Variants in ANKS3 observed in about 807,000 individuals in gnomAD.
The protein encoded by ANKS3 is ankyrin repeat and SAM domain-containing protein 3.
A neutral mutation model predicts 80.7 loss-of-function variants in ANKS3; 62 were observed. That is an observed-to-expected ratio of 0.77 (90% CI 0.63 to 0.95). The LOEUF (loss-of-function observed/expected upper bound fraction) is 0.95, where lower values mean the gene tolerates loss of function less well. ANKS3 is among the 40% of genes least tolerant of loss of function. ANKS3 has a pLI of 0.00. For missense variants in ANKS3, 1,150 were observed against 883.6 expected (o/e 1.30, Z -3.82); for synonymous variants, 489 against 355.3 (o/e 1.38, Z -4.23).
intron 6 of ANKS3, among the ~76,000 whole-genome samples, chr16:4,723,653 C>T (rs1043797092): frequency 3.3e-5 from 5 of 152,100 alleles, no homozygotes; most frequent in Admixed American, 1.3e-4. Flanking sequence ...TTTGTAGGGC[C>T]GAATAATATC....
rs1321170472 is a variant in ANKS3, at chr16:4,704,992, C to T, written c.868+103G>A. 9 of 1,479,422 alleles carry T rather than the reference C, an allele frequency of 6.1e-6. No homozygotes were observed. In the African/African-American group the frequency reaches 1.1e-4, roughly 18 times the overall value. 91.6% of individuals were successfully genotyped at this position (1,479,422 alleles called of 1,614,324 possible). On this transcript the variant is annotated intron_variant, in intron 8 of 17. Coordinates refer to ENST00000304283, the MANE Select transcript of ANKS3 (RefSeq NM_133450.4). ...CACCTGTCCCGCTGCCACCTGAGGTCCAGCGACCCACATTTCAGGAGCCTA... is the reference window on the plus strand; with the variant it reads ...CACCTGTCCCGCTGCCACCTGAGGTTCAGCGACCCACATTTCAGGAGCCTA...
In ANKS3 at chr16:4,726,768, G is replaced by A; in HGVS notation, c.382C>T (p.Leu128=). ...CAGCCCTGGATGTCTTTCATTTCTAGCTCTGCACCTTGCTTCAAGAGAACA... is the reference window on the plus strand; with the variant it reads ...CAGCCCTGGATGTCTTTCATTTCTAACTCTGCACCTTGCTTCAAGAGAACA... ...AYFLLQQGAE[L]EMKDIQGWTA... Residue 128 remains leucine (L), a synonymous_variant, in exon 5 of 18, where the codon CTA becomes TTA. Transcript: ENST00000304283. The A allele has an allele frequency of 6.2e-7, 1 of 1,613,650 alleles. No individual in the cohort carries two copies. Among genetic ancestry groups the A allele is most frequent in the Non-Finnish European group, 8.5e-7 (1 of 1,179,590 alleles).
chr16:4,710,036 A>T (rs2080402136), intron 7 of ANKS3, among the ~76,000 whole-genome samples: 1 of 152,042 alleles, frequency 6.6e-6, no homozygotes, highest in African/African-American at 2.4e-5. Context: ...AACAAAAAAG[A>T]CTACATGACT....
At chr16:4,733,329 T>C (rs1201549896) in intron 1 of ANKS3, among the ~76,000 whole-genome samples, 1 of 151,990 alleles carries the variant, frequency 6.6e-6, no homozygotes, top group Non-Finnish European at 1.5e-5. Flanking sequence ...TCTCACTCTG[T>C]TACCCAGGCT....
In ANKS3 at chr16:4,721,917, CGA is replaced by C. The variant is rs201566118; in HGVS notation, c.573+2831_573+2832del. Among the ~76,000 whole-genome samples, 898 of 150,866 alleles carry C rather than the reference CGA, an allele frequency of 6.0e-3. 17 individuals are homozygous for C. The highest frequency in any genetic ancestry group is 0.021 in the African/African-American group (862 of 41,334). On this transcript the variant is annotated intron_variant, in intron 6 of 17. Coordinates refer to ENST00000304283, the MANE Select transcript of ANKS3 (RefSeq NM_133450.4). ...TCTCAAAGTGCTGGGATTACAGGAG[CGA>C]GACAATGCACCTGGCCCCGTCTCTT...
intron 6 of ANKS3, among the ~76,000 whole-genome samples, chr16:4,722,590 A>AAG (rs1290847640): frequency 6.6e-6 from 1 of 150,924 alleles, no homozygotes; most frequent in African/African-American, 2.4e-5. Context: ...AAAAAAAAAA[A>AAG]AAAGAAATAC....
At chr16:4,702,366 T>C in intron 8 of ANKS3, 124 bp from the exon 9 acceptor site, 5 of 1,026,000 alleles carry the variant, frequency 4.9e-6, no homozygotes, top group Non-Finnish European at 6.6e-6. Flanking sequence ...CCCTGCGACC[T>C]GGCATGGCTC....
At chr16:4,727,228 G>T (rs762072491) in intron 3 of ANKS3, 51 bp from the exon 4 acceptor site, 3 of 1,588,312 alleles carry the variant, frequency 1.9e-6, no homozygotes, top group African/African-American at 1.3e-5. Context: ...CGCATGTGGG[G>T]TTCACCAAAG....
At position 4,714,182 on chromosome 16, in the gene ANKS3, A is replaced by C. The variant is rs987176911; in HGVS notation, c.578T>G (p.Val193Gly). 6.2e-7 allele frequency: 1 copy of C among 1,613,232 alleles called. No individual in the cohort carries two copies. The highest frequency in any genetic ancestry group is 1.3e-5 in the African/African-American group (1 of 74,686). The change falls in exon 7 of 18, where the codon GTC (valine) becomes GGC (glycine). Residue 193 changes from valine (V) to glycine (G), a missense_variant. Val to Gly is a moderately radical substitution (Grantham distance 109). Coordinates refer to ENST00000304283, the MANE Select transcript of ANKS3 (RefSeq NM_133450.4). ...ACTGTGGTCTCTCGCGTCCACCTTGACTCCCTGTGAATGTCCGTGAAAGGG... is the reference window on the plus strand; with the variant it reads ...ACTGTGGTCTCTCGCGTCCACCTTGCCTCCCTGTGAATGTCCGTGAAAGGG... ...IIVQYFLNHG[V>G]KVDARDHSGA...
chr16:4,721,753 C>A (rs1300945411), intron 6 of ANKS3, among the ~76,000 whole-genome samples: 1 of 151,132 alleles, frequency 6.6e-6, no homozygotes, highest in Non-Finnish European at 1.5e-5. Flanking sequence ...ATTCTCCTGT[C>A]TCAGCCTCCC....
At chr16:4,698,329 CCT>C (rs2079694348) in intron 14 of ANKS3, 96 bp downstream of exon 14, 5 of 1,412,256 alleles carry the variant, frequency 3.5e-6, no homozygotes, top group Admixed American at 2.9e-5. Context: ...GAAATCCACC[CCT>C]CAGTTACAAA....
chr16:4,703,791 T>G (rs1446872741), intron 8 of ANKS3, among the ~76,000 whole-genome samples: 1 of 152,012 alleles, frequency 6.6e-6, no homozygotes, highest in African/African-American at 2.4e-5. Flanking sequence ...AAAACAAAAA[T>G]CCCCTGAAAT....
At chr16:4,704,999 C>T (rs1405044058) in intron 8 of ANKS3, 96 bp downstream of exon 8, 12 of 1,505,690 alleles carry the variant, frequency 8.0e-6, no homozygotes, top group Admixed American at 4.1e-5. Context: ...GGTCCAGCGA[C>T]CCACATTTCA....
intron 8 of ANKS3, among the ~76,000 whole-genome samples, chr16:4,704,515 T>G (rs1170684195): frequency 1.3e-5 from 2 of 151,794 alleles, no homozygotes; most frequent in Non-Finnish European, 2.9e-5. Context: ...ACCCCAGCAC[T>G]CCCCAAGAGC....
intron 11 of ANKS3, 21 bp from the exon 12 acceptor site, chr16:4,699,197 G>T (rs375010906): frequency 6.2e-7 from 1 of 1,613,200 alleles, no homozygotes; most frequent in Non-Finnish European, 8.5e-7. Flanking sequence ...CAGGGGACAG[G>T]TTGGGGGAGG....
chr16:4,722,538 T>A (rs1439975002), intron 6 of ANKS3, among the ~76,000 whole-genome samples: 1 of 144,550 alleles, frequency 6.9e-6, no homozygotes, highest in African/African-American at 2.6e-5. Flanking sequence ...ATCATGCCAC[T>A]GTACTCCAGC....
Position 4,698,841 on chromosome 16 carries a change from G to C in ANKS3, c.1510C>G (p.Leu504Val). ...DALELAYADRLEAEMQELAIQ... is the reference protein window; with the variant it reads ...DALELAYADRVEAEMQELAIQ... Reference sequence around the variant, plus strand: ...GCGAGCTCCTGCATCTCAGCCTCCAGCCGGTCGGCGTAGGCCAGCTCCAGG... The same window carrying C: ...GCGAGCTCCTGCATCTCAGCCTCCACCCGGTCGGCGTAGGCCAGCTCCAGG... The change falls in exon 13 of 18, where the codon CTG (leucine) becomes GTG (valine). Residue 504 changes from leucine to valine, a missense_variant. By Grantham distance (32) the Leu-to-Val change is conservative. Transcript: ENST00000304283. The C allele has an allele frequency of 6.2e-7, 1 of 1,607,858 alleles. No homozygotes were observed. The highest frequency in any genetic ancestry group is 8.5e-7 in the Non-Finnish European group (1 of 1,176,988).
rs2079901538 is a variant in ANKS3, at chr16:4,701,490, C to CGAT, written c.1062_1063insATC (p.Ser354_Glu355insIle). On this transcript the variant is annotated inframe_insertion, in exon 10 of 18. Transcript: ENST00000304283. ...AGCCCCTGGGCTCTGGCCAGGCCCT[C>CGAT]GCTGCTGCTGCTGCTCTGGACGGGC... 1 of 1,612,044 alleles carries CGAT rather than the reference C, an allele frequency of 6.2e-7. No homozygotes were observed. The highest frequency in any genetic ancestry group is 8.5e-7 in the Non-Finnish European group (1 of 1,178,930).
At chr16:4,717,003 G>A (rs2080838335) in intron 6 of ANKS3, among the ~76,000 whole-genome samples, 2 of 152,038 alleles carry the variant, frequency 1.3e-5, no homozygotes, top group Non-Finnish European at 2.9e-5. Flanking sequence ...AGGCCGAGAC[G>A]GGTGGATCAC....
Sources: allele counts gnomAD v4.1 joint callset (sites outside exome capture counted in the v4.1 genomes callset), GRCh38; gene constraint gnomAD v4.1.1; transcripts MANE v1.5; gene names NCBI Gene and HGNC (gene_info 2026-07-23, HGNC 2026-07-21).